The following TMEM116 variants were observed in gnomAD, a reference collection of about 807,000 sequenced individuals.
TMEM116 encodes the protein transmembrane protein 116.
In TMEM116, 38 loss-of-function variants were observed where a neutral mutation model predicts 44.3. That is an observed-to-expected ratio of 0.86 (90% CI 0.66 to 1.12). The LOEUF is 1.12. TMEM116 is among the 50% of genes most tolerant of loss of function. The pLI, the probability that TMEM116 is intolerant of heterozygous loss-of-function variation, is 0.00. For missense variants in TMEM116, 354 were observed against 401.7 expected (o/e 0.88, Z 1.01); for synonymous variants, 132 against 144.8 (o/e 0.91, Z 0.64).
intron 1 of TMEM116, 90 bp from the exon 2 acceptor site, chr12:112,005,393 A>T (rs539429835): frequency 4.6e-5 from 43 of 941,146 alleles, no homozygotes; most frequent in Non-Finnish European, 5.7e-5. Flanking sequence ...TACAGCATGA[A>T]TTTTTCTTCA....
intron 1 of TMEM116, among the ~76,000 whole-genome samples, chr12:112,007,349 G>A (rs1281168708): frequency 1.3e-5 from 2 of 152,158 alleles, no homozygotes; most frequent in Non-Finnish European, 2.9e-5. Flanking sequence ...AGGAGGCGGA[G>A]GTTGCAATGA....
At chr12:111,965,225 T>G (rs1417005542) in intron 4 of TMEM116, among the ~76,000 whole-genome samples, 1 of 152,174 alleles carries the variant, frequency 6.6e-6, no homozygotes, top group East Asian at 1.9e-4. Flanking sequence ...AGAGTAATTT[T>G]GAAAAGCAGA....
At chr12:111,960,866 C>A (rs952207188) in intron 4 of TMEM116, among the ~76,000 whole-genome samples, 1 of 151,898 alleles carries the variant, frequency 6.6e-6, no homozygotes, top group African/African-American at 2.4e-5. Context: ...AAAAACCCTT[C>A]AAAAAAATCA....
chr12:111,990,290 T>C (rs1317358809), intron 4 of TMEM116, among the ~76,000 whole-genome samples: 1 of 151,474 alleles, frequency 6.6e-6, no homozygotes, highest in Non-Finnish European at 1.5e-5. Flanking sequence ...ACCACATCTG[T>C]ACCAAGCACA....
intron 3 of TMEM116, among the ~76,000 whole-genome samples, chr12:111,995,576 A>G (rs939461784): frequency 3.9e-5 from 6 of 152,228 alleles, no homozygotes; most frequent in Admixed American, 3.9e-4. Flanking sequence ...CATCTCTACT[A>G]AAAATACAAA....
At chr12:112,004,038 T>C (rs2077435346) in intron 2 of TMEM116, among the ~76,000 whole-genome samples, 175 bp from the exon 3 acceptor site, 1 of 152,166 alleles carries the variant, frequency 6.6e-6, no homozygotes, top group Admixed American at 6.5e-5. Context: ...TGGAGTGCAG[T>C]GGTGTCATTA....
At chr12:111,986,333 T>C (rs2076226840) in intron 4 of TMEM116, among the ~76,000 whole-genome samples, 1 of 152,030 alleles carries the variant, frequency 6.6e-6, no homozygotes, top group Non-Finnish European at 1.5e-5. Context: ...CACTTCAGAC[T>C]GGGCGACAGA....
In TMEM116 at chr12:112,002,282, G is replaced by T. The variant is rs117996420; in HGVS notation, c.78+1518C>A. On this transcript the variant is annotated intron_variant, in intron 3 of 10. Coordinates refer to ENST00000552374, the MANE Select transcript of TMEM116 (RefSeq NM_001193531.2). Reference sequence around the variant, plus strand: ...TCAAGATCAACCAGGCCAAGATGGTGAAACCCTGGCTGAGGCAGGAGAATT... The same window carrying T: ...TCAAGATCAACCAGGCCAAGATGGTTAAACCCTGGCTGAGGCAGGAGAATT... Among the ~76,000 whole-genome samples the T allele has an allele frequency of 1.0e-3, 151 of 151,132 alleles. 3 individuals carry two copies. In the East Asian group the frequency reaches 0.028, roughly 28 times the overall value.
chr12:111,969,726 C>T (rs566913461), intron 4 of TMEM116, among the ~76,000 whole-genome samples: 1 of 152,160 alleles, frequency 6.6e-6, no homozygotes, highest in South Asian at 2.1e-4. Flanking sequence ...TACAAGTGCC[C>T]GCCACTGCGC....
In TMEM116 at chr12:111,962,088, A is replaced by G. The variant is rs192470857; in HGVS notation, c.211-18719T>C. Among the ~76,000 whole-genome samples the G allele has an allele frequency of 2.6e-5, 4 of 152,336 alleles. No individual in the cohort carries two copies. In the East Asian group the frequency reaches 7.7e-4, roughly 29 times the overall value. Reference sequence around the variant, plus strand: ...ACAATTGCTACAAAAGGAATTAAATACCTAGGAATACAACTTCCAAGGGAT... The same window carrying G: ...ACAATTGCTACAAAAGGAATTAAATGCCTAGGAATACAACTTCCAAGGGAT... On this transcript the variant is annotated intron_variant, in intron 4 of 10. Coordinates refer to ENST00000552374, the MANE Select transcript of TMEM116 (RefSeq NM_001193531.2).
At chr12:112,002,231 G>A (rs1192421542) in intron 3 of TMEM116, among the ~76,000 whole-genome samples, 1 of 151,906 alleles carries the variant, frequency 6.6e-6, no homozygotes, top group African/African-American at 2.4e-5. Context: ...GGGAGGTCCA[G>A]GCAGGTGGAT....
chr12:111,985,640 T>C (rs1453303065), intron 4 of TMEM116, among the ~76,000 whole-genome samples: 1 of 152,086 alleles, frequency 6.6e-6, no homozygotes, highest in East Asian at 1.9e-4. Flanking sequence ...CCCAGGCTGG[T>C]GTCATGGCGG....
chr12:111,974,823 G>A (rs1037515035), intron 4 of TMEM116, among the ~76,000 whole-genome samples: 1 of 151,970 alleles, frequency 6.6e-6, no homozygotes, highest in East Asian at 1.9e-4. Flanking sequence ...CAGGATACAA[G>A]ACCAATATAT....
In TMEM116 at chr12:111,937,228, T is replaced by C; in HGVS notation, c.381A>G (p.Leu127=). ...CCAGACAGAATACAGGTGTCATCAA[T>C]AGCAGAGGTATCAGGCTGGGAGGGA... ...AFVFSSLIPL[L]LMTPVFCLGN... The change falls in exon 7 of 11, where the codon CTA becomes CTG. Residue 127 remains leucine (L), a synonymous_variant. Transcript: ENST00000552374. 1.2e-6 allele frequency: 2 copies of C among 1,613,820 alleles called. No individual in the cohort carries two copies. The highest frequency in any genetic ancestry group is 8.5e-7 in the Non-Finnish European group (1 of 1,179,804).
chr12:111,952,255 C>T (rs1394873242), intron 4 of TMEM116, among the ~76,000 whole-genome samples: 1 of 152,020 alleles, frequency 6.6e-6, no homozygotes, highest in Non-Finnish European at 1.5e-5. Flanking sequence ...AAAAAACACA[C>T]ACACAACTGA....
At chr12:111,960,428 CTTGCAGTGAGCCGAGA>C (rs1486281860) in intron 4 of TMEM116, among the ~76,000 whole-genome samples, 4 of 137,640 alleles carry the variant, frequency 2.9e-5, no homozygotes, top group Non-Finnish European at 6.1e-5. Flanking sequence ...GGAGGCAGAG[CTTGCAGTGAGCCGAGA>C]TTGCACCACT....
At chr12:111,976,770 CTCTT>C (rs962426970) in intron 4 of TMEM116, among the ~76,000 whole-genome samples, 18 of 152,026 alleles carry the variant, frequency 1.2e-4, no homozygotes, top group Admixed American at 3.3e-4. Context: ...AAAATGGAAA[CTCTT>C]AAAAAGAATC....
intron 3 of TMEM116, 69 bp from the exon 4 acceptor site, chr12:111,991,958 CT>C: frequency 6.9e-7 from 1 of 1,438,982 alleles, no homozygotes; most frequent in Non-Finnish European, 9.2e-7. Flanking sequence ...TGTAACAGTT[CT>C]TACATTTTAT....
intron 3 of TMEM116, among the ~76,000 whole-genome samples, chr12:111,996,987 C>A (rs755236688): frequency 1.1e-4 from 17 of 151,978 alleles, no homozygotes; most frequent in Non-Finnish European, 2.4e-4. Flanking sequence ...CAAGCAAAAC[C>A]AAATTGTTTA....
Sources: allele counts gnomAD v4.1 joint callset (sites outside exome capture counted in the v4.1 genomes callset), GRCh38; gene constraint gnomAD v4.1.1; transcripts MANE v1.5; gene names NCBI Gene and HGNC (gene_info 2026-07-23, HGNC 2026-07-21).